The following CDC42BPB variants were observed in gnomAD, a reference collection of about 807,000 sequenced individuals.
The protein encoded by CDC42BPB is serine/threonine-protein kinase MRCK beta.
A neutral mutation model predicts 214.9 loss-of-function variants in CDC42BPB; 37 were observed. The ratio of observed to expected loss-of-function variants is 0.17; its 90% CI spans 0.13 to 0.23. The LOEUF is 0.23. Among genes scored for constraint, CDC42BPB ranks in the 10% least tolerant of loss-of-function variants. The pLI is 1.00. For missense variants in CDC42BPB, 1,694 were observed against 2,227.0 expected (o/e 0.76, Z 4.82); for synonymous variants, 931 against 884.0 (o/e 1.05, Z -0.94).
chr14:102,987,996 C>A (rs1894325927), intron 5 of CDC42BPB, among the ~76,000 whole-genome samples: 1 of 152,000 alleles, frequency 6.6e-6, no homozygotes. Context: ...CACACGTACA[C>A]ACACAAACAC....
chr14:102,939,919 G>A lies in CDC42BPB; in HGVS notation c.4620C>T (p.Ser1540=), dbSNP rs753922027. 8 of 1,613,850 alleles carry A rather than the reference G, an allele frequency of 5.0e-6. No homozygotes were observed. The highest frequency in any genetic ancestry group is 1.6e-4 in the Middle Eastern group (1 of 6,084). Residue 1540 remains serine (S), a synonymous_variant, in exon 33 of 37, where the codon TCC becomes TCT. Transcript: ENST00000361246. ...SGAVLNVPDT[S]DNSKKQMLRT... ...GCAGCATCTGCTTCTTGCTGTTGTC[G>A]GAGGTGTCCGGCACGTTGAGAACCG...
chr14:103,029,566 T>C (rs1309012874), intron 1 of CDC42BPB, among the ~76,000 whole-genome samples: 1 of 129,604 alleles, frequency 7.7e-6, no homozygotes, highest in African/African-American at 2.9e-5. Context: ...AAAAAAGAAA[T>C]GCTAGATTGG....
rs1355013255 is a variant in CDC42BPB, at chr14:103,006,598, C to T, written c.351+1874G>A. Among the ~76,000 whole-genome samples the T allele has an allele frequency of 3.3e-5, 5 of 152,252 alleles. No individual in the cohort carries two copies. The South Asian group carries it at 1.0e-3, about 31-fold the overall frequency. ...ACTACACTGCTTAGCAACTCTTCTA[C>T]TGACCAACCTCTTAATTCATGCTTT... On this transcript the variant is annotated intron_variant, in intron 3 of 36. Transcript: ENST00000361246.
At position 102,938,396 on chromosome 14, in the gene CDC42BPB, AG is replaced by A. The variant is rs781316314; in HGVS notation, c.4842del (p.Ser1615ProfsTer37). 1.9e-6 allele frequency: 3 copies of A among 1,550,246 alleles called. No homozygotes were observed. Among genetic ancestry groups the A allele is most frequent in the Non-Finnish European group, 8.7e-7 (1 of 1,154,970 alleles). ...LMDLPLSAVP[P>X]SQEERPGPAP... ...GCGGGGCCCGGCCTTTCCTCCTGGG[AG>A]GGGGGCACAGCACTCTGGGCAGAAA... On this transcript the variant is annotated frameshift_variant, in exon 35 of 37. Coordinates refer to ENST00000361246, the MANE Select transcript of CDC42BPB (RefSeq NM_006035.4). LOFTEE classifies it high-confidence loss of function.
At chr14:102,979,905 G>A (rs1452612171) in intron 8 of CDC42BPB, among the ~76,000 whole-genome samples, 4 of 152,166 alleles carry the variant, frequency 2.6e-5, no homozygotes, top group Non-Finnish European at 5.9e-5. Flanking sequence ...ACCCAACTCG[G>A]AAAATCCTGA....
chr14:102,951,878 G>C (rs971019419), intron 24 of CDC42BPB, among the ~76,000 whole-genome samples: 1 of 152,202 alleles, frequency 6.6e-6, no homozygotes, highest in East Asian at 1.9e-4. Flanking sequence ...ATTTGACAGT[G>C]GAAGGTTTTA....
At chr14:102,938,990 G>A (rs565852452) in intron 34 of CDC42BPB, among the ~76,000 whole-genome samples, 183 of 150,330 alleles carry the variant, frequency 1.2e-3, no homozygotes, top group African/African-American at 4.2e-3. Context: ...AGGCTGGAGT[G>A]CAGTGGTGCA....
intron 1 of CDC42BPB, among the ~76,000 whole-genome samples, chr14:103,053,152 A>T (rs1200136380): frequency 6.6e-6 from 1 of 151,976 alleles, no homozygotes; most frequent in Non-Finnish European, 1.5e-5. Flanking sequence ...CTTTAAGACC[A>T]GCCTGGCCAA....
chr14:103,021,343 G>A (rs1886761306), intron 1 of CDC42BPB, among the ~76,000 whole-genome samples: 1 of 152,146 alleles, frequency 6.6e-6, no homozygotes, highest in African/African-American at 2.4e-5. Context: ...GCGGGCACCT[G>A]TAGTCCCAGC....
At chr14:103,046,463 AAG>A (rs1470061098) in intron 1 of CDC42BPB, among the ~76,000 whole-genome samples, 1 of 152,218 alleles carries the variant, frequency 6.6e-6, no homozygotes, top group Non-Finnish European at 1.5e-5. Flanking sequence ...GCCTCTAACA[AAG>A]AGAATGACCA....
chr14:102,960,595 G>A (rs897915718), intron 20 of CDC42BPB, among the ~76,000 whole-genome samples: 1 of 152,112 alleles, frequency 6.6e-6, no homozygotes. Context: ...GGGTGACAGA[G>A]TGAGACCCTG....
chr14:102,964,352 G>A, intron 19 of CDC42BPB, 150 bp downstream of exon 19: 1 of 886,348 alleles, frequency 1.1e-6, no homozygotes, highest in Non-Finnish European at 1.7e-6. Context: ...GCTCCTGCAG[G>A]TGAACCCGAC....
chr14:103,011,532 G>A (rs1331024011), intron 2 of CDC42BPB, among the ~76,000 whole-genome samples: 1 of 152,064 alleles, frequency 6.6e-6, no homozygotes, highest in East Asian at 1.9e-4. Flanking sequence ...ATCACTTGAG[G>A]CCAGGAGTTT....
chr14:103,057,215 C>A lies in CDC42BPB; in HGVS notation c.-42G>T, dbSNP rs754836631. The A allele has an allele frequency of 2.8e-4, 363 of 1,299,334 alleles. 2 individuals are homozygous for A. The Middle Eastern group carries it at 4.9e-3, about 17-fold the overall frequency. 80.5% of individuals were successfully genotyped at this position (1,299,334 alleles called of 1,614,324 possible). Reference sequence around the variant, plus strand: ...CTCCCGACGCGCCGGCCTCTCACCGCCGGCTCGGCCAGTCCGTCAGGGCGC... The same window carrying A: ...CTCCCGACGCGCCGGCCTCTCACCGACGGCTCGGCCAGTCCGTCAGGGCGC... On this transcript the variant is annotated 5_prime_UTR_variant, in exon 1 of 37. Coordinates refer to ENST00000361246, the MANE Select transcript of CDC42BPB (RefSeq NM_006035.4).
In CDC42BPB at chr14:103,004,232, G is replaced by A; in HGVS notation, c.352-209C>T. 7.9e-7 allele frequency: 1 copy of A among 1,266,812 alleles called. No homozygotes were observed. Among genetic ancestry groups the A allele is most frequent in the Non-Finnish European group, 1.0e-6 (1 of 990,782 alleles). 78.5% of individuals were successfully genotyped at this position (1,266,812 alleles called of 1,614,324 possible). A position where few individuals can be genotyped will look rare whatever the true frequency, so the allele number is the denominator to read the frequency against. The stretch of plus-strand genomic sequence containing the variant: ...AAGCCCCGTGCAAGTGCCAAGGGCT[G>A]CTGAGGAGGCACTTGCACCCTGCTG... On this transcript the variant is annotated intron_variant, in intron 3 of 36. Coordinates refer to ENST00000361246, the MANE Select transcript of CDC42BPB (RefSeq NM_006035.4). This position sits in a 1 kb window ranked among gnomAD's most constrained non-coding sequence, Gnocchi z 5.3.
At chr14:102,975,037 G>C (rs955756858) in intron 11 of CDC42BPB, among the ~76,000 whole-genome samples, 3 of 152,238 alleles carry the variant, frequency 2.0e-5, no homozygotes, top group African/African-American at 7.2e-5. Flanking sequence ...GGTGACAGCA[G>C]GTCTAGCACC....
chr14:102,941,232 A>T (rs916980163), intron 30 of CDC42BPB: 12 of 985,300 alleles, frequency 1.2e-5, no homozygotes, highest in African/African-American at 1.7e-5. Context: ...CAAGCCCCAA[A>T]TGCAAGAGAG....
chr14:102,958,742 C>T (rs548271661), intron 21 of CDC42BPB, among the ~76,000 whole-genome samples: 1 of 152,278 alleles, frequency 6.6e-6, no homozygotes, highest in African/African-American at 2.4e-5. Flanking sequence ...TGGTGCCAGA[C>T]TGTTCCCATC....
In CDC42BPB at chr14:102,963,162, TAAA is replaced by T; in HGVS notation, c.2727-10_2727-8del. 1.3e-6 allele frequency: 2 copies of T among 1,584,904 alleles called. No homozygotes were observed. The highest frequency in any genetic ancestry group is 8.6e-7 in the Non-Finnish European group (1 of 1,160,710). ...TTCGGAATCCTTTAGTTTGCTAAAA[TAAA>T]AAATAAATGGCTTTAAGTGCACTGA... On this transcript the variant is annotated splice_polypyrimidine_tract_variant and splice_region_variant and intron_variant, in intron 19 of 36. Coordinates refer to ENST00000361246, the MANE Select transcript of CDC42BPB (RefSeq NM_006035.4).
Sources: gnomAD v4.1 joint callset for allele counts (sites outside exome capture counted in the v4.1 genomes callset) on GRCh38, gnomAD v4.1.1 for gene constraint, Gnocchi (gnomAD v3.1) non-coding constraint, MANE v1.5 for transcripts, NCBI Gene and HGNC (gene_info 2026-07-23, HGNC 2026-07-21) for gene names.